The following FBXO31 variants were observed in gnomAD, a reference collection of about 807,000 sequenced individuals.
FBXO31 encodes the protein F-box protein 31.
FBXO31 carries 24 observed loss-of-function variants against 54.4 expected under a neutral mutation model. The observed-to-expected ratio is 0.44, with a 90% CI of 0.32 to 0.62. The LOEUF (loss-of-function observed/expected upper bound fraction) is 0.62. Ranked by LOEUF, FBXO31 falls within the 20% of genes least tolerant of loss-of-function variation. The pLI is 0.05. For synonymous variants in FBXO31, 388 were observed against 335.6 expected (o/e 1.16, Z -1.71); for missense variants, 665 against 787.1 (o/e 0.84, Z 1.86).
chr16:87,383,904 C>T (rs1264514363), upstream of FBXO31: 1 of 437,778 alleles, frequency 2.3e-6, no homozygotes, highest in Non-Finnish European at 3.3e-6. The surrounding 1 kb of genome is among the most constrained non-coding windows in gnomAD (Gnocchi z 4.9). Flanking sequence ...GCCACCCCCT[C>T]CCCGCGGGGC....
At position 87,329,156 on chromosome 16, in the gene FBXO31, C is replaced by T. The variant is rs1904752153; in HGVS notation, c.*2132G>A. 6.6e-6 allele frequency: 1 copy of T among 152,468 alleles called. No homozygotes were observed. The allele number at this position is 152,468 out of a possible 1,614,324, so 9.4% of individuals were successfully genotyped here. A position where few individuals can be genotyped will look rare whatever the true frequency, so the allele number is the denominator to read the frequency against. On this transcript the variant is annotated 3_prime_UTR_variant, in exon 9 of 9. Coordinates refer to ENST00000311635, the MANE Select transcript of FBXO31 (RefSeq NM_024735.5). ...GGGACTGGCTGTGCGGCCAAAAAGG[C>T]CTCCCTTTCCTGGCTGTGTGGCTCT... is the stretch of plus-strand genomic sequence containing the variant.
intron 2 of FBXO31, among the ~76,000 whole-genome samples, chr16:87,357,916 CAAA>C (rs796716025): frequency 1.5e-5 from 2 of 132,598 alleles, no homozygotes; most frequent in Admixed American, 7.7e-5. Context: ...GACTCTGCCT[CAAA>C]AAAAAAAAAG....
intron 1 of FBXO31, among the ~76,000 whole-genome samples, chr16:87,364,399 G>A (rs1005628363): frequency 6.6e-6 from 1 of 152,244 alleles, no homozygotes; most frequent in Admixed American, 6.5e-5. Context: ...GGATGGCCAG[G>A]TGTGCAGTGG....
chr16:87,360,648 A>G (rs1389021690), intron 1 of FBXO31, among the ~76,000 whole-genome samples: 1 of 152,266 alleles, frequency 6.6e-6, no homozygotes. Context: ...ACACAAACCA[A>G]TATCAGACAA....
At position 87,383,310 on chromosome 16, in the gene FBXO31, G is replaced by C. The variant is rs908668294; in HGVS notation, c.340+95C>G. Reference sequence around the variant, plus strand: ...GCCCCGCGCCCAACTGGTGGCCCCCGGCCGGGGCCACCGCCCCCGCCACTC... The same window carrying C: ...GCCCCGCGCCCAACTGGTGGCCCCCCGCCGGGGCCACCGCCCCCGCCACTC... On this transcript the variant is annotated intron_variant, in intron 1 of 8. Coordinates refer to ENST00000311635, the MANE Select transcript of FBXO31 (RefSeq NM_024735.5). The surrounding 1 kb of genome is among the most constrained non-coding windows in gnomAD (Gnocchi z 4.9). The C allele has an allele frequency of 1.2e-5, 14 of 1,185,588 alleles. No individual in the cohort carries two copies. Among genetic ancestry groups the C allele is most frequent in the African/African-American group, 8.3e-5 (5 of 60,402 alleles). The allele number at this position is 1,185,588 out of a possible 1,614,324, so 73.4% of individuals were successfully genotyped here.
Position 87,331,216 on chromosome 16 carries a change from G to A in FBXO31, c.*72C>T, listed in dbSNP as rs1442194266. 3.4e-6 allele frequency: 5 copies of A among 1,487,670 alleles called. No individual in the cohort carries two copies. Among genetic ancestry groups the A allele is most frequent in the Non-Finnish European group, 3.7e-6 (4 of 1,075,356 alleles). 92.2% of individuals were successfully genotyped at this position (1,487,670 alleles called of 1,614,324 possible). On this transcript the variant is annotated 3_prime_UTR_variant, in exon 9 of 9. Coordinates refer to ENST00000311635, the MANE Select transcript of FBXO31 (RefSeq NM_024735.5). ...AAAAGGCCGGATTTCCAAAGTGCAT[G>A]CTGCTTCTATTCACAGGTCAGAGTT...
intron 2 of FBXO31, among the ~76,000 whole-genome samples, chr16:87,354,370 G>A (rs964809152): frequency 6.6e-6 from 1 of 151,952 alleles, no homozygotes; most frequent in Non-Finnish European, 1.5e-5. Context: ...AGCTAACTAG[G>A]AGCTGAGGTC....
intron 1 of FBXO31, among the ~76,000 whole-genome samples, chr16:87,372,402 C>T (rs1193285132): frequency 6.6e-6 from 1 of 152,026 alleles, no homozygotes; most frequent in Non-Finnish European, 1.5e-5. Flanking sequence ...GTGCTGAGAC[C>T]CCACTGTATG....
Position 87,336,087 on chromosome 16 carries a change from G to C in FBXO31, c.842+68C>G. On this transcript the variant is annotated intron_variant, in intron 6 of 8. Coordinates refer to ENST00000311635, the MANE Select transcript of FBXO31 (RefSeq NM_024735.5). The surrounding 1 kb of genome is among the most constrained non-coding windows in gnomAD (Gnocchi z 6.5). ...AAGGACTATGCCCCAGCACCCACCGGGACAGGGCTGGTCCCCAGCACACAC... is the reference window on the plus strand; with the variant it reads ...AAGGACTATGCCCCAGCACCCACCGCGACAGGGCTGGTCCCCAGCACACAC... The C allele has an allele frequency of 2.2e-6, 3 of 1,383,900 alleles. No homozygotes were observed. Among genetic ancestry groups the C allele is most frequent in the Non-Finnish European group, 3.1e-6 (3 of 979,788 alleles). The allele number at this position is 1,383,900 out of a possible 1,614,324, so 85.7% of individuals were successfully genotyped here. A position where few individuals can be genotyped will look rare whatever the true frequency, so the allele number is the denominator to read the frequency against.
intron 2 of FBXO31, among the ~76,000 whole-genome samples, chr16:87,357,282 TG>T (rs1404874588): frequency 6.6e-6 from 1 of 150,672 alleles, no homozygotes; most frequent in Non-Finnish European, 1.5e-5. Context: ...TTCCTATAAC[TG>T]TGGCTTAGAA....
chr16:87,355,086 A>G (rs1207266518), intron 2 of FBXO31, among the ~76,000 whole-genome samples: 1 of 152,140 alleles, frequency 6.6e-6, no homozygotes, highest in Non-Finnish European at 1.5e-5. Context: ...AGCCAGGCGC[A>G]GTGGCTCACG....
Position 87,331,308 on chromosome 16 carries a change from TG to T in FBXO31, c.1599del (p.Asn533LysfsTer28). The T allele has an allele frequency of 6.2e-7, 1 of 1,614,000 alleles. No homozygotes were observed. The highest frequency in any genetic ancestry group is 8.5e-7 in the Non-Finnish European group (1 of 1,179,984). On this transcript the variant is annotated frameshift_variant, in exon 9 of 9. Coordinates refer to ENST00000311635, the MANE Select transcript of FBXO31 (RefSeq NM_024735.5). LOFTEE classifies it high-confidence loss of function. ...GCCGGTCAGGAGGTGAGGGACTGAA[TG>T]TTCTTGAGCATCTCATCGAAGGCCT... is the stretch of plus-strand genomic sequence containing the variant. ...SPQAFDEMLK[N>X]IQSLTS
intron 2 of FBXO31, among the ~76,000 whole-genome samples, chr16:87,354,461 C>T (rs1905806467): frequency 6.9e-6 from 1 of 144,856 alleles, no homozygotes; most frequent in Non-Finnish European, 1.5e-5. Flanking sequence ...AGAGCGAGAT[C>T]CTGTCTCAAA....
Position 87,327,970 on chromosome 16 carries a change from TCTC to T in FBXO31, c.*3315_*3317del, listed in dbSNP as rs1212642573. The T allele has an allele frequency of 1.3e-5, 2 of 152,162 alleles. No individual in the cohort carries two copies. Among genetic ancestry groups the T allele is most frequent in the African/African-American group, 4.8e-5 (2 of 41,400 alleles). 9.4% of individuals were successfully genotyped at this position (152,162 alleles called of 1,614,324 possible). A position where few individuals can be genotyped will look rare whatever the true frequency, so the allele number is the denominator to read the frequency against. On this transcript the variant is annotated 3_prime_UTR_variant, in exon 9 of 9. Transcript: ENST00000311635. Reference sequence around the variant, plus strand: ...TTGGACGGTGGACCACAGCTCAGCATCTCCTGTTCGCACCCAAGACCCCACGGC... The same window carrying T: ...TTGGACGGTGGACCACAGCTCAGCATCTGTTCGCACCCAAGACCCCACGGC...
intron 1 of FBXO31, among the ~76,000 whole-genome samples, chr16:87,363,240 C>T (rs1488100137): frequency 2.0e-5 from 3 of 152,080 alleles, no homozygotes; most frequent in Middle Eastern, 3.2e-3. Flanking sequence ...CAAAATTAGC[C>T]GGGCATGGTG....
intron 1 of FBXO31, among the ~76,000 whole-genome samples, chr16:87,377,746 T>C (rs1346700028): frequency 6.6e-6 from 1 of 151,756 alleles, no homozygotes; most frequent in African/African-American, 2.4e-5. Flanking sequence ...GGAGGATTAC[T>C]TCAGCCAGGG....
Position 87,383,668 on chromosome 16 carries a change from G to A in FBXO31, c.77C>T (p.Ala26Val), listed in dbSNP as rs1156714525. Residue 26 changes from alanine to valine, a missense_variant, in exon 1 of 9, where the codon GCC (alanine) becomes GTC (valine). Coordinates refer to ENST00000311635, the MANE Select transcript of FBXO31 (RefSeq NM_024735.5). This position sits in a 1 kb window ranked among gnomAD's most constrained non-coding sequence, Gnocchi z 4.9. ...CTCGCTGTCGGCCGCCGCCGTCTCG[G>A]CCGGGCCCCGGCGCTGCTGGCGGCG... ...CRRRQQRRGP[A>V]ETAAADSEPD... 1 of 1,309,820 alleles carries A rather than the reference G, an allele frequency of 7.6e-7. No individual in the cohort carries two copies. The highest frequency in any genetic ancestry group is 2.2e-5 in the South Asian group (1 of 44,494). 81.1% of individuals were successfully genotyped at this position (1,309,820 alleles called of 1,614,324 possible).
Position 87,334,816 on chromosome 16 carries a change from G to C in FBXO31, c.996+488C>G, listed in dbSNP as rs188930443. 2.8e-4 allele frequency among the ~76,000 whole-genome samples: 43 copies of C among 152,322 alleles called. No individual in the cohort carries two copies. The East Asian group carries it at 7.9e-3, about 28-fold the overall frequency. Reference sequence around the variant, plus strand: ...GCATGTGCCAGGAGCCCTGGCATGGGACAATGAGCCCCTGTTCACTGCTGG... The same window carrying C: ...GCATGTGCCAGGAGCCCTGGCATGGCACAATGAGCCCCTGTTCACTGCTGG... On this transcript the variant is annotated intron_variant, in intron 7 of 8. Transcript: ENST00000311635.
At chr16:87,366,848 T>C (rs1453608263) in intron 1 of FBXO31, among the ~76,000 whole-genome samples, 1 of 152,098 alleles carries the variant, frequency 6.6e-6, no homozygotes, top group African/African-American at 2.4e-5. Context: ...TGGAGCACTC[T>C]CTGGCGACCT....
Sources: allele counts gnomAD v4.1 joint callset (sites outside exome capture counted in the v4.1 genomes callset), GRCh38; gene constraint gnomAD v4.1.1; non-coding constraint Gnocchi (gnomAD v3.1); transcripts MANE v1.5; gene names NCBI Gene and HGNC (gene_info 2026-07-23, HGNC 2026-07-21).